MBD3: variants seen among roughly 807,000 people sequenced by gnomAD.
MBD3 encodes methyl-CpG-binding domain protein 3.
Under a neutral mutation model 31.2 loss-of-function variants are expected in MBD3, and 13 were observed. The observed-to-expected ratio is 0.42, with a 90% CI of 0.27 to 0.66. The LOEUF is 0.66. Ranked by LOEUF, MBD3 falls within the 30% of genes least tolerant of loss-of-function variation. The probability of loss-of-function intolerance (pLI) is 0.26; values close to 1 mark genes in which losing one functional copy is unlikely to be tolerated. For missense variants in MBD3, 440 were observed against 426.5 expected (o/e 1.03, Z -0.28); for synonymous variants, 223 against 187.4 (o/e 1.19, Z -1.55).
rs372772409 is a variant in MBD3, at chr19:1,578,466, G to A, written c.750C>T (p.His250=). The A allele has an allele frequency of 3.6e-5, 58 of 1,609,754 alleles. No homozygotes were observed. The highest frequency in any genetic ancestry group is 1.8e-4 in the East Asian group (8 of 44,872). The part of the protein sequence containing the change: ...EEALMADMLA[H]VEELARDGEA... ...CCCCGTCACGGGCCAGCTCCTCCAC[G>A]TGCGCCAGCATGTCGGCCATCAGCG... is the stretch of plus-strand genomic sequence containing the variant. Residue 250 remains histidine, a synonymous_variant, in exon 6 of 7, where the codon CAC becomes CAT. Coordinates refer to ENST00000434436, the MANE Select transcript of MBD3 (RefSeq NM_001281453.2). The surrounding 1 kb of genome is among the most constrained non-coding windows in gnomAD (Gnocchi z 6.1).
chr19:1,584,999 G>C (rs572512588), intron 2 of MBD3, 56 bp downstream of exon 2: 1 of 1,597,972 alleles, frequency 6.3e-7, no homozygotes, highest in Admixed American at 1.7e-5. Context: ...CGTCATGGCC[G>C]CGTCCCCGCC....
In MBD3 at chr19:1,585,162, C is replaced by T. The variant is rs2060673065; in HGVS notation, c.163G>A (p.Gly55Ser). The T allele has an allele frequency of 1.9e-6, 3 of 1,609,486 alleles. No individual in the cohort carries two copies. The highest frequency in any genetic ancestry group is 2.5e-6 in the Non-Finnish European group (3 of 1,179,396). ...TCGAAGGTGCTCAGGTCCATGGAGC[C>T]GCCCAGGTAGCGCGCCAGCTGCGGC... is the stretch of plus-strand genomic sequence containing the variant. ...SKPQLARYLGGSMDLSTFDFR... is the reference protein window; with the variant it reads ...SKPQLARYLGSSMDLSTFDFR... Residue 55 changes from glycine to serine, a missense_variant, in exon 2 of 7, where the codon GGC becomes AGC. Around this residue, in one of 3 missense-constraint regions of MBD3, gnomAD observed 179 missense variants for 134.7 expected, o/e 1.33. Coordinates refer to ENST00000434436, the MANE Select transcript of MBD3 (RefSeq NM_001281453.2). This position sits in a 1 kb window ranked among gnomAD's most constrained non-coding sequence, Gnocchi z 4.1.
intron 2 of MBD3, 133 bp downstream of exon 2, chr19:1,584,922 G>T: frequency 7.5e-7 from 1 of 1,328,522 alleles, no homozygotes. Context: ...TGCGCCTTCC[G>T]CTCTGTGCCC....
chr19:1,582,351 G>C (rs1051209808), intron 4 of MBD3, among the ~76,000 whole-genome samples: 5 of 152,168 alleles, frequency 3.3e-5, no homozygotes, highest in African/African-American at 1.2e-4. Context: ...CGTCCTGCAG[G>C]TGAAAACAGC....
At chr19:1,579,019 A>G (rs943888276) in intron 5 of MBD3, among the ~76,000 whole-genome samples, 4 of 151,888 alleles carry the variant, frequency 2.6e-5, no homozygotes, top group African/African-American at 9.7e-5. Flanking sequence ...CCCCATCTCT[A>G]CTAAAAATAT....
At position 1,575,402 on chromosome 19, in the gene MBD3, A is replaced by C; in HGVS notation, c.*2762T>G. On this transcript the variant is annotated 3_prime_UTR_variant, in exon 7 of 7. Transcript: ENST00000434436. Reference sequence around the variant, plus strand: ...GCAACAAGAGCGAAAGAAGAGCGAAACTCTTGTCTAAAAAAAAAAAAAGTC... The same window carrying C: ...GCAACAAGAGCGAAAGAAGAGCGAACCTCTTGTCTAAAAAAAAAAAAAGTC... 1 of 323,908 alleles carries C rather than the reference A, an allele frequency of 3.1e-6. No individual in the cohort carries two copies. 20.1% of individuals were successfully genotyped at this position (323,908 alleles called of 1,614,324 possible).
Position 1,578,243 on chromosome 19 carries a change from G to A in MBD3, c.*6-85C>T. Reference sequence around the variant, plus strand: ...TTCTAGGGAGATGGGAAGCTCTTGGGAGGCACCCGTCATCCCAAGCACATC... The same window carrying A: ...TTCTAGGGAGATGGGAAGCTCTTGGAAGGCACCCGTCATCCCAAGCACATC... On this transcript the variant is annotated intron_variant, in intron 6 of 6. Coordinates refer to ENST00000434436, the MANE Select transcript of MBD3 (RefSeq NM_001281453.2). This position sits in a 1 kb window ranked among gnomAD's most constrained non-coding sequence, Gnocchi z 6.1. 1.3e-6 allele frequency: 2 copies of A among 1,571,544 alleles called. No individual in the cohort carries two copies. Among genetic ancestry groups the A allele is most frequent in the South Asian group, 1.1e-5 (1 of 89,620 alleles).
At chr19:1,591,337 C>T (rs539729480) in intron 1 of MBD3, among the ~76,000 whole-genome samples, 1 of 152,330 alleles carries the variant, frequency 6.6e-6, no homozygotes, top group Admixed American at 6.5e-5. Flanking sequence ...GGACGAGGCC[C>T]CACACATTGC....
chr19:1,580,216 G>C (rs1404743573), intron 5 of MBD3, among the ~76,000 whole-genome samples: 1 of 152,160 alleles, frequency 6.6e-6, no homozygotes, highest in Non-Finnish European at 1.5e-5. Context: ...ACCCAAAAGA[G>C]GGGGCCCAGA....
At chr19:1,591,361 C>T (rs1264581334) in intron 1 of MBD3, among the ~76,000 whole-genome samples, 1 of 152,228 alleles carries the variant, frequency 6.6e-6, no homozygotes, top group African/African-American at 2.4e-5. Flanking sequence ...TGATCACAGC[C>T]ATCCTTTCCC....
chr19:1,581,305 G>A, intron 4 of MBD3, 36 bp from the exon 5 acceptor site: 2 of 1,591,732 alleles, frequency 1.3e-6, no homozygotes, highest in Non-Finnish European at 1.7e-6. Flanking sequence ...CAAGTGGAGA[G>A]GTCACCACGG....
At chr19:1,587,146 T>A (rs982915785) in intron 1 of MBD3, among the ~76,000 whole-genome samples, 1 of 151,612 alleles carries the variant, frequency 6.6e-6, no homozygotes, top group African/African-American at 2.4e-5. Context: ...TTTATATTTT[T>A]AGTAGAGGTG....
At position 1,575,654 on chromosome 19, in the gene MBD3, A is replaced by G. The variant is rs1916465157; in HGVS notation, c.*2510T>C. 6.3e-6 allele frequency: 1 copy of G among 159,474 alleles called. No individual in the cohort carries two copies. The allele number at this position is 159,474 out of a possible 1,614,324, so 9.9% of individuals were successfully genotyped here. On this transcript the variant is annotated 3_prime_UTR_variant, in exon 7 of 7. Transcript: ENST00000434436. ...CAGCCTGAGGGTCTGAGACTTTTCC[A>G]GGGCAGGGAATTTGACGAGGGCCTG...
intron 5 of MBD3, 100 bp downstream of exon 5, chr19:1,580,992 C>A (rs549045634): frequency 1.4e-6 from 2 of 1,423,196 alleles, no homozygotes; most frequent in Admixed American, 3.7e-5. Context: ...CCAGCAGCAT[C>A]GTGGGGAGAC....
chr19:1,582,766 C>G (rs1373152221), intron 3 of MBD3, 54 bp from the exon 4 acceptor site: 2 of 1,527,372 alleles, frequency 1.3e-6, no homozygotes, highest in African/African-American at 2.7e-5. Flanking sequence ...CTCCCCACTC[C>G]AGGTCCTTGC....
At position 1,577,472 on chromosome 19, in the gene MBD3, C is replaced by T. The variant is rs148952608; in HGVS notation, c.*692G>A. 199 of 152,416 alleles carry T rather than the reference C, an allele frequency of 1.3e-3. No homozygotes were observed. Among genetic ancestry groups the T allele is most frequent in the African/African-American group, 3.7e-3 (154 of 41,594 alleles). The allele number at this position is 152,416 out of a possible 1,614,324, so 9.4% of individuals were successfully genotyped here. A position where few individuals can be genotyped will look rare whatever the true frequency, so the allele number is the denominator to read the frequency against. On this transcript the variant is annotated 3_prime_UTR_variant, in exon 7 of 7. Transcript: ENST00000434436. The stretch of plus-strand genomic sequence containing the variant: ...TGGCAGTGGAGCATTCTGGCAGCGC[C>T]GGGCGACCAAGTCCCGACTGGCAGC...
rs564341301 is a variant in MBD3 at position 1,576,217 on chromosome 19, C to T, written c.*1947G>A. On this transcript the variant is annotated 3_prime_UTR_variant, in exon 7 of 7. Transcript: ENST00000434436. ...GGGCAGATGAGGGGAGGGTGGCCTC[C>T]CAGCCTTCAGGTCCAGAAAGCAGCT... 1 of 152,486 alleles carries T rather than the reference C, an allele frequency of 6.6e-6. No individual in the cohort carries two copies. The highest frequency in any genetic ancestry group is 6.5e-5 in the Admixed American group (1 of 15,280). The allele number at this position is 152,486 out of a possible 1,614,324, so 9.4% of individuals were successfully genotyped here.
At position 1,576,963 on chromosome 19, in the gene MBD3, C is replaced by G. The variant is rs1303375662; in HGVS notation, c.*1201G>C. 6.6e-6 allele frequency: 1 copy of G among 152,330 alleles called. No homozygotes were observed. The highest frequency in any genetic ancestry group is 1.5e-5 in the Non-Finnish European group (1 of 68,086). The allele number at this position is 152,330 out of a possible 1,614,324, so 9.4% of individuals were successfully genotyped here. A position where few individuals can be genotyped will look rare whatever the true frequency, so the allele number is the denominator to read the frequency against. On this transcript the variant is annotated 3_prime_UTR_variant, in exon 7 of 7. Transcript: ENST00000434436. ...GGCAGACGGTGGAGCGGCGCTTCCTCAGCTCCCGCGGTCAGGCCCCATCAG... is the reference window on the plus strand; with the variant it reads ...GGCAGACGGTGGAGCGGCGCTTCCTGAGCTCCCGCGGTCAGGCCCCATCAG...
intron 1 of MBD3, among the ~76,000 whole-genome samples, chr19:1,587,224 CAA>C (rs1317217866): frequency 6.6e-6 from 1 of 151,538 alleles, no homozygotes; most frequent in Non-Finnish European, 1.5e-5. Flanking sequence ...CTTGGCCTCC[CAA>C]AGTGCTGGGA....
Sources: allele counts gnomAD v4.1 joint callset (sites outside exome capture counted in the v4.1 genomes callset), GRCh38; gene constraint gnomAD v4.1.1; regional missense constraint gnomAD v4.1.1; non-coding constraint Gnocchi (gnomAD v3.1); transcripts MANE v1.5; gene names NCBI Gene and HGNC (gene_info 2026-07-23, HGNC 2026-07-21).